ZNF600: variants seen among roughly 807,000 people sequenced by gnomAD.
The protein encoded by ZNF600 is zinc finger protein KR-ZNF1.
ZNF600 carries 4 observed loss-of-function variants against 7.3 expected under a neutral mutation model. The observed-to-expected ratio is 0.55, with a 90% CI of 0.27 to 1.25. The LOEUF (loss-of-function observed/expected upper bound fraction) is 1.25, where lower values mean the gene tolerates loss of function less well. Among genes scored for constraint, ZNF600 ranks in the 50% most tolerant of loss-of-function variants. The probability of loss-of-function intolerance (pLI) is 0.12; values close to 1 mark genes in which losing one functional copy is unlikely to be tolerated. For synonymous variants in ZNF600, 290 were observed against 308.9 expected, an observed-to-expected ratio of 0.94 and a Z score of 0.64; for missense variants, 911 against 922.1, an observed-to-expected ratio of 0.99 and a Z score of 0.16.
At chr19:52,802,231 T>G in the ZNF600 span, among the ~76,000 whole-genome samples, 1 of 152,206 alleles carries the variant, frequency 6.6e-6, no homozygotes. Context: ...TAGCCAGGTA[T>G]GGTGGCCCGT....
chr19:52,829,100 G>C, the ZNF600 span, among the ~76,000 whole-genome samples: 3 of 152,128 alleles, frequency 2.0e-5, no homozygotes, highest in Non-Finnish European at 4.4e-5. Flanking sequence ...TCCTGACCTT[G>C]TGATTCACCC....
At chr19:52,768,382 G>T (rs781687703) in intron 3 of ZNF600, among the ~76,000 whole-genome samples, 4 of 150,392 alleles carry the variant, frequency 2.7e-5, no homozygotes, top group Non-Finnish European at 5.9e-5. Flanking sequence ...AGAGGTTGCG[G>T]TGAGGCAAGA....
chr19:52,825,789 C>G, the ZNF600 span, among the ~76,000 whole-genome samples: 6 of 152,068 alleles, frequency 3.9e-5, no homozygotes, highest in African/African-American at 1.4e-4. Flanking sequence ...AGTGCCAGAC[C>G]ACCCTGGCCA....
At chr19:52,813,256 A>AAAAAAAAAAAG in the ZNF600 span, among the ~76,000 whole-genome samples, 1 of 146,072 alleles carries the variant, frequency 6.8e-6, no homozygotes, top group Non-Finnish European at 1.5e-5. Flanking sequence ...GGTGAAAAAA[A>AAAAAAAAAAAG]AAAAAAAAAA....
chr19:52,771,329 T>C (rs2062628557), intron 3 of ZNF600, among the ~76,000 whole-genome samples: 2 of 152,180 alleles, frequency 1.3e-5, no homozygotes, highest in African/African-American at 4.8e-5. Context: ...TGTCTTAAGC[T>C]TTCAAGTTTC....
intron 1 of ZNF600, among the ~76,000 whole-genome samples, chr19:52,781,716 T>C (rs1341815612): frequency 6.6e-6 from 1 of 151,368 alleles, no homozygotes; most frequent in African/African-American, 2.4e-5. Context: ...TGATCCAAGA[T>C]TGTTCCACTG....
At chr19:52,793,133 C>T in the ZNF600 span, among the ~76,000 whole-genome samples, 11 of 152,076 alleles carry the variant, frequency 7.2e-5, no homozygotes, top group Non-Finnish European at 1.2e-4. Flanking sequence ...CTGTAATGTA[C>T]GCCTTGATGG....
At chr19:52,824,363 G>A in the ZNF600 span, among the ~76,000 whole-genome samples, 2 of 152,140 alleles carry the variant, frequency 1.3e-5, no homozygotes, top group East Asian at 1.9e-4. Flanking sequence ...GACTGGTCGC[G>A]GTGGCTCATG....
In ZNF600 at chr19:52,783,111, C is replaced by A. The variant is rs543900508; in HGVS notation, c.-20+3484G>T. ...CACAAGGAATGAGTCAAGTCACTGT[C>A]CTCTGGCTGAAGAGGGGTTGCAGAG... On this transcript the variant is annotated intron_variant, in intron 1 of 3. Coordinates refer to ENST00000648973, the Ensembl canonical transcript of ZNF600. 2.5e-3 allele frequency among the ~76,000 whole-genome samples: 381 copies of A among 150,048 alleles called. 3 individuals carry two copies. The highest frequency in any genetic ancestry group is 8.9e-3 in the African/African-American group (368 of 41,414).
At chr19:52,813,595 T>C in the ZNF600 span, among the ~76,000 whole-genome samples, 2 of 145,810 alleles carry the variant, frequency 1.4e-5, no homozygotes, top group Non-Finnish European at 3.0e-5. Flanking sequence ...TGCCTGCTCC[T>C]GTCCCTCCAG....
chr19:52,770,018 T>C (rs1202910894), intron 3 of ZNF600, among the ~76,000 whole-genome samples: 3 of 152,112 alleles, frequency 2.0e-5, no homozygotes, highest in Admixed American at 6.5e-5. Context: ...TTCTAAACAA[T>C]TCCCTCTTAA....
the ZNF600 span, among the ~76,000 whole-genome samples, chr19:52,826,055 T>A: frequency 1.3e-5 from 2 of 152,162 alleles, no homozygotes; most frequent in Non-Finnish European, 1.5e-5. Context: ...CTTGCCACAG[T>A]ACTCTCAGCA....
At chr19:52,831,232 T>A in the ZNF600 span, among the ~76,000 whole-genome samples, 1 of 152,122 alleles carries the variant, frequency 6.6e-6, no homozygotes, top group Non-Finnish European at 1.5e-5. Flanking sequence ...GGTAGAGATG[T>A]GTCTGTGGAA....
chr19:52,766,233 C>A (rs143951651), exon 4 of ZNF600: 2 of 1,613,930 alleles, frequency 1.2e-6, no homozygotes, highest in South Asian at 2.2e-5. Context: ...TGACCTCAGA[C>A]GGAAGGTCTT....
At chr19:52,775,327 A>C (rs1298462411) in intron 2 of ZNF600, among the ~76,000 whole-genome samples, 1 of 152,162 alleles carries the variant, frequency 6.6e-6, no homozygotes, top group African/African-American at 2.4e-5. Flanking sequence ...CAAGACGGGC[A>C]GATAATGTGG....
chr19:52,778,950 A>G, intron 1 of ZNF600, 43 bp from the exon 4 acceptor site: 1 of 1,542,848 alleles, frequency 6.5e-7, no homozygotes, highest in Non-Finnish European at 8.7e-7. Flanking sequence ...GAAATGACTC[A>G]CTCCCATCCT....
At chr19:52,768,935 C>T (rs1257047762) in intron 3 of ZNF600, among the ~76,000 whole-genome samples, 1 of 152,118 alleles carries the variant, frequency 6.6e-6, no homozygotes, top group East Asian at 1.9e-4. Flanking sequence ...ATAATCATAA[C>T]CTAAGAAAAG....
At chr19:52,817,367 C>G in the ZNF600 span, among the ~76,000 whole-genome samples, 6 of 151,654 alleles carry the variant, frequency 4.0e-5, no homozygotes, top group South Asian at 8.3e-4. Flanking sequence ...AGTGAAACTC[C>G]GCTTCAAAAA....
chr19:52,798,781 A>T, the ZNF600 span: 1 of 708,202 alleles, frequency 1.4e-6, no homozygotes, highest in Non-Finnish European at 2.4e-6. Context: ...AAGATCTCTC[A>T]TTATGGATTC....
Sources: gnomAD v4.1 joint callset for allele counts (sites outside exome capture counted in the v4.1 genomes callset) on GRCh38, gnomAD v4.1.1 for gene constraint, MANE v1.5 for transcripts, NCBI Gene and HGNC (gene_info 2026-07-23, HGNC 2026-07-21) for gene names.